Variants in EXO1 observed in about 807,000 individuals in gnomAD.
The protein encoded by EXO1 is exonuclease 1.
EXO1 carries 69 observed loss-of-function variants against 84.5 expected under a neutral mutation model. The observed-to-expected ratio is 0.82, with a 90% confidence interval of 0.67 to 1.00. The LOEUF (loss-of-function observed/expected upper bound fraction) is 1.00, where lower values mean the gene tolerates loss of function less well. Among genes scored for constraint, EXO1 ranks in the 50% least tolerant of loss-of-function variants. EXO1 has a pLI of 0.00. For synonymous variants in EXO1, 373 were observed against 366.1 expected, an observed-to-expected ratio of 1.02 and a Z score of -0.21; for missense variants, 1,045 against 1,000.7, an observed-to-expected ratio of 1.04 and a Z score of -0.60.
chr1:241,882,324 T>C (rs1035828735), intron 14 of EXO1, among the ~76,000 whole-genome samples: 1 of 152,110 alleles, frequency 6.6e-6, no homozygotes, highest in African/African-American at 2.4e-5. Flanking sequence ...TTTTTTGCTC[T>C]AGCAAATAAT....
At chr1:241,881,167 A>G (rs1304839335) in intron 13 of EXO1, among the ~76,000 whole-genome samples, 4 of 152,100 alleles carry the variant, frequency 2.6e-5, no homozygotes, top group Non-Finnish European at 4.4e-5. Context: ...AGCTGGGACA[A>G]CAGGCATGTG....
intron 12 of EXO1, among the ~76,000 whole-genome samples, chr1:241,873,456 T>A (rs1662227277): frequency 6.7e-6 from 1 of 149,890 alleles, no homozygotes; most frequent in Non-Finnish European, 1.5e-5. Flanking sequence ...TTAATTTTGC[T>A]TTACAGAAAT....
chr1:241,871,864 GT>G (rs1469811764), intron 11 of EXO1, among the ~76,000 whole-genome samples, 167 bp from the exon 12 acceptor site: 2 of 148,508 alleles, frequency 1.3e-5, no homozygotes, highest in African/African-American at 2.5e-5. Flanking sequence ...ACCTAAGGGA[GT>G]TTTTTTGAAT....
At chr1:241,866,142 T>G (rs1025575634) in intron 10 of EXO1, among the ~76,000 whole-genome samples, 1 of 152,210 alleles carries the variant, frequency 6.6e-6, no homozygotes, top group African/African-American at 2.4e-5. Flanking sequence ...AGTGATTGCT[T>G]TCCTTTTTTG....
chr1:241,858,770 T>G, intron 8 of EXO1, 52 bp downstream of exon 8: 4 of 1,129,428 alleles, frequency 3.5e-6, no homozygotes, highest in Non-Finnish European at 5.4e-6. Flanking sequence ...ATTTCCTTAA[T>G]AAAATAATAA....
chr1:241,855,857 C>A (rs578202973), intron 6 of EXO1, among the ~76,000 whole-genome samples: 2 of 152,360 alleles, frequency 1.3e-5, no homozygotes, highest in South Asian at 2.1e-4. Context: ...CCGACAGGGC[C>A]GGCCGGCTGC....
At position 241,889,836 on chromosome 1, in the gene EXO1, G is replaced by T; in HGVS notation, c.*236G>T. The T allele has an allele frequency of 2.0e-6, 1 of 505,584 alleles. No homozygotes were observed. The highest frequency in any genetic ancestry group is 3.5e-6 in the Non-Finnish European group (1 of 282,424). 31.3% of individuals were successfully genotyped at this position (505,584 alleles called of 1,614,324 possible). A position where few individuals can be genotyped will look rare whatever the true frequency, so the allele number is the denominator to read the frequency against. The stretch of plus-strand genomic sequence containing the variant: ...ATTGTATCTCTGACAGGTTTTTGGA[G>T]GTTTTAGTGTTAATTGGGAAAATCC... On this transcript the variant is annotated 3_prime_UTR_variant, in exon 16 of 16. Transcript: ENST00000366548.
At chr1:241,855,461 G>A (rs1236888021) in intron 6 of EXO1, among the ~76,000 whole-genome samples, 2 of 152,176 alleles carry the variant, frequency 1.3e-5, no homozygotes, top group African/African-American at 2.4e-5. Flanking sequence ...TACAATCCCT[G>A]AGCTAGACGT....
At chr1:241,874,237 A>G (rs1662270386) in intron 12 of EXO1, among the ~76,000 whole-genome samples, 1 of 152,144 alleles carries the variant, frequency 6.6e-6, no homozygotes, top group African/African-American at 2.4e-5. Flanking sequence ...CGTCCTTCCT[A>G]AAAGTACAAA....
At chr1:241,875,588 C>T (rs1476419479) in intron 12 of EXO1, among the ~76,000 whole-genome samples, 1 of 152,148 alleles carries the variant, frequency 6.6e-6, no homozygotes, top group Non-Finnish European at 1.5e-5. Flanking sequence ...AGATAATATA[C>T]ACTGATTGGG....
At chr1:241,881,126 C>T (rs1662724497) in intron 13 of EXO1, among the ~76,000 whole-genome samples, 1 of 152,118 alleles carries the variant, frequency 6.6e-6, no homozygotes, top group African/African-American at 2.4e-5. Flanking sequence ...CTCCCGGGTT[C>T]AAGCGATTCT....
intron 15 of EXO1, among the ~76,000 whole-genome samples, chr1:241,885,838 TTTTTTG>T (rs1261170799): frequency 8.4e-4 from 7 of 8,336 alleles, no homozygotes; most frequent in Non-Finnish European, 1.4e-3. Context: ...TTTTATTTGG[TTTTTTG>T]TTTTTTGTTT....
chr1:241,875,827 A>G (rs547282682), intron 12 of EXO1, among the ~76,000 whole-genome samples: 9 of 152,162 alleles, frequency 5.9e-5, no homozygotes, highest in Non-Finnish European at 1.0e-4. Context: ...GCAGTGAGCC[A>G]AGATCACGCC....
At chr1:241,881,847 A>T (rs1662772669) in intron 13 of EXO1, 69 bp from the exon 14 acceptor site, 2 of 749,824 alleles carry the variant, frequency 2.7e-6, no homozygotes, top group Non-Finnish European at 4.7e-6. Context: ...GTTGAATATT[A>T]GTTTGTTGTC....
At chr1:241,854,802 G>T in intron 6 of EXO1, 1 of 155,368 alleles carries the variant, frequency 6.4e-6, no homozygotes, top group South Asian at 2.0e-4. Flanking sequence ...CAGCTCTTAA[G>T]GTGGCGTGTC....
intron 4 of EXO1, among the ~76,000 whole-genome samples, chr1:241,851,121 T>C (rs1043839461): frequency 2.0e-5 from 3 of 152,180 alleles, no homozygotes; most frequent in African/African-American, 7.2e-5. Context: ...TGAGCCACCA[T>C]GCCTGGCCCA....
rs1368988094 is a variant in EXO1, at chr1:241,857,387, G to A, written c.448G>A (p.Glu150Lys). 1.9e-6 allele frequency: 3 copies of A among 1,613,896 alleles called. No individual in the cohort carries two copies. Among genetic ancestry groups the A allele is most frequent in the Non-Finnish European group, 1.7e-6 (2 of 1,179,964 alleles). Residue 150 changes from glutamate to lysine, a missense_variant, in exon 7 of 16, where the codon GAA becomes AAA. By Grantham distance (56) the Glu-to-Lys change is moderately conservative (BLOSUM62 1). Transcript: ENST00000366548. ...QGVDCLVAPY[E>K]ADAQLAYLNK... ...GGTAGATTGCCTCGTGGCTCCCTAT[G>A]AAGCTGATGCGCAGTTGGCCTATCT...
In EXO1 at chr1:241,850,267, G is replaced by C. The variant is rs1412777981; in HGVS notation, c.-17-142G>C. ...TGCAGTCCCTCCTGGGCGAAAGAGC[G>C]AGACTCCGTCTCAAAAAAAAAAAAA... is the stretch of plus-strand genomic sequence containing the variant. On this transcript the variant is annotated intron_variant, in intron 3 of 15. Coordinates refer to ENST00000366548, the MANE Select transcript of EXO1 (RefSeq NM_130398.4). 4 of 607,294 alleles carry C rather than the reference G, an allele frequency of 6.6e-6. No homozygotes were observed. In the South Asian group the frequency reaches 7.4e-5, roughly 11 times the overall value. 37.6% of individuals were successfully genotyped at this position (607,294 alleles called of 1,614,324 possible).
chr1:241,854,964 T>G (rs1286720799), intron 6 of EXO1, among the ~76,000 whole-genome samples: 1 of 152,096 alleles, frequency 6.6e-6, no homozygotes, highest in Non-Finnish European at 1.5e-5. Context: ...CGTTCCTCCC[T>G]GGGGGCTCGC....
Sources: gnomAD v4.1 joint callset for allele counts (sites outside exome capture counted in the v4.1 genomes callset) on GRCh38, gnomAD v4.1.1 for gene constraint, MANE v1.5 for transcripts, NCBI Gene and HGNC (gene_info 2026-07-23, HGNC 2026-07-21) for gene names.